C11orf54: variants seen among roughly 807,000 people sequenced by gnomAD.
C11orf54 encodes the protein beta-keto L-gulonate decarboxylase.
C11orf54 carries 29 observed loss-of-function variants against 35.5 expected under a neutral mutation model. The observed-to-expected ratio is 0.82, with a 90% CI of 0.61 to 1.11. C11orf54 has a LOEUF of 1.11. C11orf54 is among the 50% of genes most tolerant of loss of function. The pLI is 0.00. For missense variants in C11orf54, 373 were observed against 369.2 expected, an observed-to-expected ratio of 1.01 and a Z score of -0.08; for synonymous variants, 108 against 121.1, an observed-to-expected ratio of 0.89 and a Z score of 0.71.
At chr11:93,760,498 G>C (rs914010092) in intron 8 of C11orf54, among the ~76,000 whole-genome samples, 2 of 130,078 alleles carry the variant, frequency 1.5e-5, no homozygotes, top group African/African-American at 5.2e-5. Context: ...CTGGGTAACA[G>C]TATAATCCCC....
chr11:93,756,487 C>CT (rs1280531111), intron 6 of C11orf54, among the ~76,000 whole-genome samples: 2 of 90,150 alleles, frequency 2.2e-5, no homozygotes, highest in African/African-American at 6.5e-5. Context: ...CAAGACCTGT[C>CT]TTAAAAAAAA....
At chr11:93,755,029 G>A (rs1352258448) in intron 5 of C11orf54, 181 bp from the exon 6 acceptor site, 9 of 599,272 alleles carry the variant, frequency 1.5e-5, no homozygotes, top group South Asian at 1.4e-4. Flanking sequence ...GAGCCACAGC[G>A]CCCGGCCTAT....
Position 93,762,454 on chromosome 11 carries a change from A to G in C11orf54, c.*766A>G, listed in dbSNP as rs1454648223. On this transcript the variant is annotated 3_prime_UTR_variant, in exon 9 of 9. Transcript: ENST00000354421. ...TTTACCCTTCTGGTGAAGTTAAACCATAGAAGTTTACAATTTGCCTTTCAC... is the reference window on the plus strand; with the variant it reads ...TTTACCCTTCTGGTGAAGTTAAACCGTAGAAGTTTACAATTTGCCTTTCAC... The G allele has an allele frequency of 6.6e-6, 1 of 152,216 alleles. No individual in the cohort carries two copies. Among genetic ancestry groups the G allele is most frequent in the Non-Finnish European group, 1.5e-5 (1 of 68,038 alleles). The allele number at this position is 152,216 out of a possible 1,614,324, so 9.4% of individuals were successfully genotyped here.
Position 93,761,612 on chromosome 11 carries a change from T to G in C11orf54, c.872T>G (p.Leu291Arg), listed in dbSNP as rs779067746. 9.3e-6 allele frequency: 15 copies of G among 1,613,430 alleles called. No homozygotes were observed. Among genetic ancestry groups the G allele is most frequent in the Non-Finnish European group, 1.3e-5 (15 of 1,179,706 alleles). The change falls in exon 9 of 9, where the codon CTT becomes CGT. Residue 291 changes from leucine (L) to arginine (R), a missense_variant. Transcript: ENST00000354421. ...ACTACTCCAGATATAGTGGAATATC[T>G]TGGATACTTCTTACCTGCAGAGTTT... ...YDTTPDIVEYLGYFLPAEFLY... is the reference protein window; with the variant it reads ...YDTTPDIVEYRGYFLPAEFLY...
rs1226482841 is a variant in C11orf54, at chr11:93,755,518, TAACTTGAGGTC to T, written c.507+145_507+155del. 1.2e-5 allele frequency: 11 copies of T among 914,738 alleles called. No individual in the cohort carries two copies. In the East Asian group the frequency reaches 1.6e-4, roughly 14 times the overall value. The allele number at this position is 914,738 out of a possible 1,614,324, so 56.7% of individuals were successfully genotyped here. A position where few individuals can be genotyped will look rare whatever the true frequency, so the allele number is the denominator to read the frequency against. On this transcript the variant is annotated intron_variant, in intron 6 of 8. Coordinates refer to ENST00000354421, the MANE Select transcript of C11orf54 (RefSeq NM_001286069.2). ...ACTTTGGGAGGCCAAGCTGGGTGGATAACTTGAGGTCAACTTGAGGTCAGGAGTTCAAGACC... is the reference window on the plus strand; with the variant it reads ...ACTTTGGGAGGCCAAGCTGGGTGGATAACTTGAGGTCAGGAGTTCAAGACC...
At position 93,755,243 on chromosome 11, in the gene C11orf54, A is replaced by C; in HGVS notation, c.364A>C (p.Lys122Gln). 1 of 1,614,070 alleles carries C rather than the reference A, an allele frequency of 6.2e-7. No individual in the cohort carries two copies. The highest frequency in any genetic ancestry group is 8.5e-7 in the Non-Finnish European group (1 of 1,179,980). The change falls in exon 6 of 9, where the codon AAG becomes CAG. Residue 122 changes from lysine to glutamine, a missense_variant. Lys to Gln is a moderately conservative substitution (Grantham distance 53, BLOSUM62 1). Transcript: ENST00000354421. Reference protein sequence around the residue: ...MPVIQTESEHKPPVNGSYFAH... With the variant: ...MPVIQTESEHQPPVNGSYFAH... ...AGTTATTCAGACAGAAAGTGAACAC[A>C]AGCCTCCTGTAAATGGAAGTTACTT...
intron 2 of C11orf54, among the ~76,000 whole-genome samples, chr11:93,749,946 T>C (rs1392967831): frequency 6.6e-6 from 1 of 152,212 alleles, no homozygotes; most frequent in Non-Finnish European, 1.5e-5. Flanking sequence ...TATGTAGTGT[T>C]TTGTGTCTGG....
rs1401155147 is a variant in C11orf54, at chr11:93,757,430, A to C, written c.622A>C (p.Ile208Leu). ...NKPIGMGGTF[I>L]IQKGKVKSHI... is the part of the protein sequence containing the mutation. ...GCCTATAGGAATGGGAGGTACTTTC[A>C]TAATTCAGAAGGGAAAAGTGAAGTC... The change falls in exon 7 of 9, where the codon ATA becomes CTA. Residue 208 changes from isoleucine to leucine, a missense_variant. Transcript: ENST00000354421. 1 of 1,598,330 alleles carries C rather than the reference A, an allele frequency of 6.3e-7. No individual in the cohort carries two copies. Among genetic ancestry groups the C allele is most frequent in the Admixed American group, 1.7e-5 (1 of 60,010 alleles).
intron 7 of C11orf54, 85 bp from the exon 8 acceptor site, chr11:93,759,657 A>C: frequency 1.7e-6 from 1 of 598,808 alleles, no homozygotes; most frequent in African/African-American, 1.9e-5. Context: ...AAACAATAAT[A>C]ATAAATAAGT....
At chr11:93,752,039 G>T (rs1345489815) in intron 3 of C11orf54, among the ~76,000 whole-genome samples, 1 of 151,430 alleles carries the variant, frequency 6.6e-6, no homozygotes. Flanking sequence ...TAGAGACGGG[G>T]TTTCATCATG....
Position 93,756,089 on chromosome 11 carries a change from C to T in C11orf54, c.507+703C>T, listed in dbSNP as rs201097100. Among the ~76,000 whole-genome samples the T allele has an allele frequency of 2.9e-5, 4 of 137,922 alleles. No individual in the cohort carries two copies. In the East Asian group the frequency reaches 6.7e-4, roughly 23 times the overall value. The allele number at this position is 137,922 out of a possible 152,430, so 90.5% of individuals were successfully genotyped here. On this transcript the variant is annotated intron_variant, in intron 6 of 8. Transcript: ENST00000354421. ...GGCTGAGGCAGGAGAATTGCTTGAA[C>T]CTGGGAGACAGAGGTTGCAGTGAGC...
chr11:93,758,906 C>G (rs1442311232), intron 7 of C11orf54, among the ~76,000 whole-genome samples: 4 of 152,258 alleles, frequency 2.6e-5, no homozygotes, highest in Admixed American at 1.3e-4. Flanking sequence ...AGCTGCCAAT[C>G]CCACACACCA....
At chr11:93,753,073 G>A (rs1303382375) in intron 3 of C11orf54, among the ~76,000 whole-genome samples, 1 of 151,884 alleles carries the variant, frequency 6.6e-6, no homozygotes, top group African/African-American at 2.4e-5. Context: ...CTCTGCCCCC[G>A]CCGGGTTCAA....
Position 93,755,302 on chromosome 11 carries a change from A to G in C11orf54, c.423A>G (p.Leu141=). The G allele has an allele frequency of 1.9e-6, 3 of 1,614,178 alleles. No homozygotes were observed. Among genetic ancestry groups the G allele is most frequent in the African/African-American group, 1.3e-5 (1 of 75,056 alleles). Residue 141 remains leucine, a synonymous_variant, in exon 6 of 9, where the codon CTA becomes CTG. Coordinates refer to ENST00000354421, the MANE Select transcript of C11orf54 (RefSeq NM_001286069.2). ...AHVNPADGGC[L]LEKYSEKCHD... ...TGAACCCTGCAGATGGAGGGTGCCT[A>G]CTGGAGAAATACAGTGAGAAATGTC...
At chr11:93,747,207 T>C in intron 1 of C11orf54, 90 bp from the exon 2 acceptor site, 1 of 394,540 alleles carries the variant, frequency 2.5e-6, no homozygotes, top group Non-Finnish European at 4.5e-6. Context: ...TATTAAATGC[T>C]GGAAGCTGTG....
At chr11:93,758,967 C>CA (rs531959684) in intron 7 of C11orf54, among the ~76,000 whole-genome samples, 124 of 152,350 alleles carry the variant, frequency 8.1e-4, no homozygotes, top group Middle Eastern at 3.4e-3. Flanking sequence ...CATCCCACTG[C>CA]ACTCCAGCCT....
At chr11:93,753,543 C>A in intron 3 of C11orf54, 139 bp from the exon 4 acceptor site, 1 of 686,168 alleles carries the variant, frequency 1.5e-6, no homozygotes, top group Non-Finnish European at 2.4e-6. Flanking sequence ...GGGTTCTAGC[C>A]ACTATGTCTT....
chr11:93,754,953 T>C lies in C11orf54; in HGVS notation c.331-257T>C, dbSNP rs1456026517. ...TTCACCATGTTGGCCAGGATGGTCT[T>C]GATCTCTTCTCTTGACCTCGTGATC... On this transcript the variant is annotated intron_variant, in intron 5 of 8. Transcript: ENST00000354421. The C allele has an allele frequency of 3.2e-5, 9 of 279,706 alleles. No individual in the cohort carries two copies. The East Asian group carries it at 3.5e-4, about 11-fold the overall frequency. 17.3% of individuals were successfully genotyped at this position (279,706 alleles called of 1,614,324 possible). A position where few individuals can be genotyped will look rare whatever the true frequency, so the allele number is the denominator to read the frequency against.
chr11:93,758,616 G>A (rs1044903749), intron 7 of C11orf54, among the ~76,000 whole-genome samples: 1 of 152,256 alleles, frequency 6.6e-6, no homozygotes, highest in African/African-American at 2.4e-5. Context: ...CCCGGTCGCT[G>A]TCGCAGCCCA....
Sources: gnomAD v4.1 joint callset for allele counts (sites outside exome capture counted in the v4.1 genomes callset) on GRCh38, gnomAD v4.1.1 for gene constraint, MANE v1.5 for transcripts, NCBI Gene and HGNC (gene_info 2026-07-23, HGNC 2026-07-21) for gene names.